The following STARD13 variants were observed in gnomAD, a reference collection of about 807,000 sequenced individuals.
The protein encoded by STARD13 is StAR related lipid transfer domain containing 13, also known as stAR-related lipid transfer protein 13.
In STARD13, 62 loss-of-function variants were observed where a neutral mutation model predicts 106.4. The ratio of observed to expected loss-of-function variants is 0.58; its 90% CI spans 0.48 to 0.72. STARD13 has a LOEUF of 0.72. Among genes scored for constraint, STARD13 ranks in the 30% least tolerant of loss-of-function variants. The pLI is 0.00. For missense variants in STARD13, 1,387 were observed against 1,424.0 expected, an observed-to-expected ratio of 0.97 and a Z score of 0.42; for synonymous variants, 565 against 553.0, an observed-to-expected ratio of 1.02 and a Z score of -0.31.
At chr13:33,534,661 A>T in the STARD13 span, among the ~76,000 whole-genome samples, 1 of 152,200 alleles carries the variant, frequency 6.6e-6, no homozygotes, top group South Asian at 2.1e-4. Flanking sequence ...TATTAAAATG[A>T]TTATAGAACA....
Position 33,127,548 on chromosome 13 carries a change from T to A in STARD13, c.1749-2A>T, listed in dbSNP as rs1197733441. 3.3e-6 allele frequency: 5 copies of A among 1,532,616 alleles called. No homozygotes were observed. Among genetic ancestry groups the A allele is most frequent in the Non-Finnish European group, 4.4e-6 (5 of 1,148,046 alleles). The allele number at this position is 1,532,616 out of a possible 1,614,324, so 94.9% of individuals were successfully genotyped here. A position where few individuals can be genotyped will look rare whatever the true frequency, so the allele number is the denominator to read the frequency against. On this transcript the variant is annotated splice_acceptor_variant, in intron 5 of 13. Transcript: ENST00000336934. LOFTEE classifies it high-confidence loss of function. ...TGGAAACTGTTCCATCGGAGTCGCC[T>A]TTACCAGAGAGACCATCAGAGAAGC...
chr13:33,544,251 CA>C, the STARD13 span, among the ~76,000 whole-genome samples: 1 of 152,168 alleles, frequency 6.6e-6, no homozygotes, highest in Non-Finnish European at 1.5e-5. Context: ...TCTCTACCCC[CA>C]GCCCACTCCC....
the STARD13 span, among the ~76,000 whole-genome samples, chr13:33,426,892 TAA>T: frequency 6.6e-6 from 1 of 152,230 alleles, no homozygotes; most frequent in African/African-American, 2.4e-5. Flanking sequence ...ACATTTTAGA[TAA>T]AGTTAGAATA....
At chr13:33,181,895 A>G (rs914262795) in intron 1 of STARD13, among the ~76,000 whole-genome samples, 3 of 145,444 alleles carry the variant, frequency 2.1e-5, no homozygotes, top group Non-Finnish European at 3.0e-5. Flanking sequence ...TCTTGGAAGA[A>G]GAGTAGTGAG....
intron 7 of STARD13, among the ~76,000 whole-genome samples, chr13:33,123,055 C>CAAAAA (rs71071079): frequency 0.12 from 5,715 of 45,770 alleles, 1,294 homozygotes; most frequent in Non-Finnish European, 0.18. Flanking sequence ...GACTCCATCT[C>CAAAAA]AAAAAAAAAA....
At chr13:33,537,714 GGAAAA>G in the STARD13 span, among the ~76,000 whole-genome samples, 4 of 151,984 alleles carry the variant, frequency 2.6e-5, 1 homozygote, top group Middle Eastern at 6.3e-3. Flanking sequence ...AAACCAACAA[GGAAAA>G]GAAAAGAAAA....
the STARD13 span, among the ~76,000 whole-genome samples, chr13:33,515,362 C>A: frequency 6.6e-6 from 1 of 152,246 alleles, no homozygotes; most frequent in East Asian, 1.9e-4. Context: ...TCTTCCTAAG[C>A]CATTTCCCAA....
At chr13:33,428,048 G>A in the STARD13 span, among the ~76,000 whole-genome samples, 1 of 151,986 alleles carries the variant, frequency 6.6e-6, no homozygotes, top group East Asian at 1.9e-4. Context: ...ACTCTGCTTT[G>A]AGAAAGGCAC....
chr13:33,287,759 G>A (rs553278605), upstream of STARD13, among the ~76,000 whole-genome samples: 1 of 152,236 alleles, frequency 6.6e-6, no homozygotes, highest in South Asian at 2.1e-4. Flanking sequence ...GGGAGCATCT[G>A]TGTCATAACT....
the STARD13 span, among the ~76,000 whole-genome samples, chr13:33,408,098 G>A: frequency 6.6e-6 from 1 of 152,060 alleles, no homozygotes; most frequent in African/African-American, 2.4e-5. Flanking sequence ...ACTTCTGTGT[G>A]TTAGTAGTAT....
chr13:33,546,966 TCA>T, the STARD13 span, among the ~76,000 whole-genome samples: 1 of 152,238 alleles, frequency 6.6e-6, no homozygotes. Flanking sequence ...TAAAATATTT[TCA>T]GTGTTTAATA....
At chr13:33,485,604 T>G in the STARD13 span, among the ~76,000 whole-genome samples, 1 of 152,314 alleles carries the variant, frequency 6.6e-6, no homozygotes, top group Middle Eastern at 3.4e-3. Context: ...GACAAAGAGC[T>G]GAGAATCTGA....
At chr13:33,350,079 G>A (rs985230833) in intron 1 of STARD13, among the ~76,000 whole-genome samples, 2 of 152,124 alleles carry the variant, frequency 1.3e-5, no homozygotes, top group Non-Finnish European at 2.9e-5. Context: ...GCGCGCGTCC[G>A]GCACGGAGCC....
At chr13:33,564,722 G>C in the STARD13 span, among the ~76,000 whole-genome samples, 1 of 146,706 alleles carries the variant, frequency 6.8e-6, no homozygotes, top group African/African-American at 2.5e-5. Context: ...AGGTGGGCGC[G>C]GTGGCTCACG....
chr13:33,634,757 C>T, the STARD13 span, among the ~76,000 whole-genome samples: 2 of 152,160 alleles, frequency 1.3e-5, no homozygotes, highest in African/African-American at 4.8e-5. Flanking sequence ...ACTTCTCTCT[C>T]GCTTGGTTGA....
the STARD13 span, among the ~76,000 whole-genome samples, chr13:33,400,632 T>G: frequency 6.0e-3 from 916 of 152,240 alleles, 5 homozygotes; most frequent in African/African-American, 0.019. Flanking sequence ...AGCTAATTTT[T>G]TTTTGTATTT....
the STARD13 span, among the ~76,000 whole-genome samples, chr13:33,645,234 G>A: frequency 6.6e-5 from 10 of 152,130 alleles, no homozygotes; most frequent in Non-Finnish European, 1.5e-4. Flanking sequence ...CCTCCTGCAG[G>A]CCCTGAGACC....
the STARD13 span, among the ~76,000 whole-genome samples, chr13:33,458,572 ATACAT>A: frequency 6.6e-6 from 1 of 152,058 alleles, no homozygotes; most frequent in Non-Finnish European, 1.5e-5. Context: ...ATAAAATATA[ATACAT>A]TATGATGATG....
At chr13:33,622,918 A>T in the STARD13 span, among the ~76,000 whole-genome samples, 2 of 122,648 alleles carry the variant, frequency 1.6e-5, no homozygotes, top group Non-Finnish European at 3.3e-5. Flanking sequence ...AACTCTGTCT[A>T]AAAAAAAAAA....
Sources: gnomAD v4.1 joint callset for allele counts (sites outside exome capture counted in the v4.1 genomes callset) on GRCh38, gnomAD v4.1.1 for gene constraint, MANE v1.5 for transcripts, NCBI Gene and HGNC (gene_info 2026-07-23, HGNC 2026-07-21) for gene names.